FRMPD2: variants seen among roughly 807,000 people sequenced by gnomAD.
FRMPD2 encodes the protein FERM and PDZ domain-containing protein 2.
In FRMPD2, 96 loss-of-function variants were observed where a neutral mutation model predicts 140.1. That is an observed-to-expected ratio of 0.69 (90% CI 0.58 to 0.81). FRMPD2 has a LOEUF of 0.81. FRMPD2 is among the 40% of genes least tolerant of loss of function. The probability of loss-of-function intolerance (pLI) is 0.00; values close to 1 mark genes in which losing one functional copy is unlikely to be tolerated. For synonymous variants in FRMPD2, 449 were observed against 547.6 expected (o/e 0.82, Z 2.52); for missense variants, 1,240 against 1,447.4 (o/e 0.86, Z 2.32).
intron 13 of FRMPD2, among the ~76,000 whole-genome samples, chr10:48,211,079 GTTTATT>G (rs1839309415): frequency 6.6e-6 from 1 of 152,232 alleles, no homozygotes; most frequent in African/African-American, 2.4e-5. Context: ...TCCATTGAGT[GTTTATT>G]GAGTTGTGTG....
At chr10:48,240,810 T>G (rs1251764669) in intron 5 of FRMPD2, among the ~76,000 whole-genome samples, 1 of 152,238 alleles carries the variant, frequency 6.6e-6, no homozygotes, top group Non-Finnish European at 1.5e-5. Flanking sequence ...TTTCTACTTC[T>G]AAGCCTCTCT....
chr10:48,160,126 A>G (rs1837894509), intron 28 of FRMPD2, among the ~76,000 whole-genome samples: 2 of 151,638 alleles, frequency 1.3e-5, no homozygotes, highest in Admixed American at 1.3e-4. Flanking sequence ...AACTAACCTT[A>G]TAAAAAACAT....
intron 24 of FRMPD2, among the ~76,000 whole-genome samples, chr10:48,174,453 G>A (rs1256234099): frequency 6.6e-6 from 1 of 152,200 alleles, no homozygotes; most frequent in Non-Finnish European, 1.5e-5. Flanking sequence ...AGGGGGAATG[G>A]CATGAACAGG....
At position 48,212,005 on chromosome 10, in the gene FRMPD2, G is replaced by A. The variant is rs749825511; in HGVS notation, c.1560C>T (p.His520=). 2.2e-5 allele frequency: 36 copies of A among 1,613,966 alleles called. No homozygotes were observed. The highest frequency in any genetic ancestry group is 2.9e-5 in the Non-Finnish European group (34 of 1,180,008). The change falls in exon 13 of 29, where the codon CAC becomes CAT. Residue 520 remains histidine (H), a synonymous_variant. Coordinates refer to ENST00000374201, the MANE Select transcript of FRMPD2 (RefSeq NM_001018071.4). ...CTCCCCACAGTGCAGAGCTGAGCCGGTGCATCTCTGAGACTTCAACCTGGA... is the reference window on the plus strand; with the variant it reads ...CTCCCCACAGTGCAGAGCTGAGCCGATGCATCTCTGAGACTTCAACCTGGA... ...LRVQVEVSEM[H]RLSSALWGED... is the part of the protein sequence containing the mutation.
intron 27 of FRMPD2, among the ~76,000 whole-genome samples, chr10:48,164,008 G>C (rs1468147474): frequency 3.3e-5 from 5 of 151,140 alleles, no homozygotes; most frequent in Admixed American, 2.6e-4. Context: ...TTCTTTTTAA[G>C]TTTTTCATCT....
At chr10:48,173,992 C>A (rs1838335758) in intron 24 of FRMPD2, among the ~76,000 whole-genome samples, 1 of 152,242 alleles carries the variant, frequency 6.6e-6, no homozygotes, top group African/African-American at 2.4e-5. Context: ...ACCCTCTCTA[C>A]CCATGCTCAT....
At chr10:48,254,649 G>T (rs931372272) in intron 1 of FRMPD2, among the ~76,000 whole-genome samples, 1 of 152,186 alleles carries the variant, frequency 6.6e-6, no homozygotes, top group South Asian at 2.1e-4. Flanking sequence ...TTTACTGTAC[G>T]CCAGGCACTG....
At chr10:48,173,239 C>T in intron 24 of FRMPD2, 146 bp from the exon 25 acceptor site, 1 of 476,074 alleles carries the variant, frequency 2.1e-6, no homozygotes, top group South Asian at 2.1e-5. Flanking sequence ...ATATTGGGAT[C>T]TAGACCCAGA....
chr10:48,260,682 A>G (rs986085384), intron 1 of FRMPD2, among the ~76,000 whole-genome samples: 12 of 152,184 alleles, frequency 7.9e-5, no homozygotes, highest in Non-Finnish European at 1.5e-4. Flanking sequence ...TGCTCTCACT[A>G]AAGGTCTGTT....
At chr10:48,210,441 C>T (rs976035791) in intron 13 of FRMPD2, among the ~76,000 whole-genome samples, 7 of 152,172 alleles carry the variant, frequency 4.6e-5, no homozygotes, top group African/African-American at 1.2e-4. Flanking sequence ...AACCAGGAAG[C>T]GAGGGACCCT....
In FRMPD2 at chr10:48,257,651, C is replaced by T. The variant is rs2131977273; in HGVS notation, c.26-5960G>A. ...GCTCTTTGTCTTTCAGCATTCTCTA[C>T]CTGTTTGCCTGAAAAAGACATGAGC... On this transcript the variant is annotated intron_variant, in intron 1 of 28. Transcript: ENST00000374201. 1.3e-5 allele frequency among the ~76,000 whole-genome samples: 2 copies of T among 152,262 alleles called. 1 individual carries two copies. Among genetic ancestry groups the T allele is most frequent in the South Asian group, 4.1e-4 (2 of 4,820 alleles).
intron 20 of FRMPD2, among the ~76,000 whole-genome samples, chr10:48,183,799 C>G (rs1838607727): frequency 1.4e-5 from 2 of 140,798 alleles, no homozygotes; most frequent in Non-Finnish European, 3.0e-5. Flanking sequence ...CTGCAGAAAG[C>G]CAAGATCGTG....
In FRMPD2 at chr10:48,236,367, CTG is replaced by C. The variant is rs905052885; in HGVS notation, c.993+113_993+114del. 41 of 834,136 alleles carry C rather than the reference CTG, an allele frequency of 4.9e-5. No individual in the cohort carries two copies. In the Admixed American group the frequency reaches 7.4e-4, roughly 15 times the overall value. The allele number at this position is 834,136 out of a possible 1,614,324, so 51.7% of individuals were successfully genotyped here. ...GGTTCTGGCAGAGGTCTGGGGGAAA[CTG>C]AATGCCACTGGGGTGTTCCCATGTG... On this transcript the variant is annotated intron_variant, in intron 9 of 28. Coordinates refer to ENST00000374201, the MANE Select transcript of FRMPD2 (RefSeq NM_001018071.4).
At chr10:48,199,206 A>G (rs1285750050) in intron 15 of FRMPD2, among the ~76,000 whole-genome samples, 1 of 151,996 alleles carries the variant, frequency 6.6e-6, no homozygotes, top group Non-Finnish European at 1.5e-5. Context: ...CCCATTTAAC[A>G]AATCTGCACA....
chr10:48,256,453 T>C (rs959806910), intron 1 of FRMPD2, among the ~76,000 whole-genome samples: 1 of 152,228 alleles, frequency 6.6e-6, no homozygotes, highest in Non-Finnish European at 1.5e-5. Context: ...TGTGAGATTT[T>C]GGTCACATTT....
intron 14 of FRMPD2, among the ~76,000 whole-genome samples, chr10:48,205,965 T>C (rs1376788860): frequency 6.6e-6 from 1 of 152,084 alleles, no homozygotes; most frequent in African/African-American, 2.4e-5. Flanking sequence ...TTTTTAACCA[T>C]TGAGAAAATT....
chr10:48,247,481 C>G lies in FRMPD2; in HGVS notation c.309+1540G>C, dbSNP rs144231766. On this transcript the variant is annotated intron_variant, in intron 3 of 28. Coordinates refer to ENST00000374201, the MANE Select transcript of FRMPD2 (RefSeq NM_001018071.4). The stretch of plus-strand genomic sequence containing the variant: ...TATGCAGGGTCAAAATGCTGGCCAT[C>G]TCCTTGCAACAAGCAACAGAGCACA... Among the ~76,000 whole-genome samples the G allele has an allele frequency of 2.2e-3, 330 of 152,376 alleles. 1 individual carries two copies. The highest frequency in any genetic ancestry group is 7.3e-3 in the African/African-American group (304 of 41,596).
At position 48,184,840 on chromosome 10, in the gene FRMPD2, G is replaced by T. The variant is rs1207146096; in HGVS notation, c.2401C>A (p.Pro801Thr). 9.3e-6 allele frequency: 15 copies of T among 1,613,662 alleles called. No individual in the cohort carries two copies. Among genetic ancestry groups the T allele is most frequent in the Non-Finnish European group, 1.3e-5 (15 of 1,179,872 alleles). ...ATAATAGAAGATATAAAAATGCCAG[G>T]GTCAGCTTGGCCTGAATACTCTCCC... Reference protein sequence around the residue: ...NEGEYSGQADPGIFISSIIPG... With the variant: ...NEGEYSGQADTGIFISSIIPG... The change falls in exon 19 of 29, where the codon CCT becomes ACT. Residue 801 changes from proline to threonine, a missense_variant. By Grantham distance (38) the Pro-to-Thr change is conservative. Coordinates refer to ENST00000374201, the MANE Select transcript of FRMPD2 (RefSeq NM_001018071.4).
At chr10:48,182,160 C>T (rs1159337336) in intron 20 of FRMPD2, among the ~76,000 whole-genome samples, 1 of 152,030 alleles carries the variant, frequency 6.6e-6, no homozygotes, top group African/African-American at 2.4e-5. Context: ...TGAAGTTATT[C>T]AAATCTAAAG....
Sources: allele counts gnomAD v4.1 joint callset (sites outside exome capture counted in the v4.1 genomes callset), GRCh38; gene constraint gnomAD v4.1.1; transcripts MANE v1.5; gene names NCBI Gene and HGNC (gene_info 2026-07-23, HGNC 2026-07-21).